Variants in USP46 observed in about 807,000 individuals in gnomAD.
USP46 encodes the protein ubiquitin specific peptidase 46, also known as ubiquitin carboxyl-terminal hydrolase 46.
USP46 carries 12 observed loss-of-function variants against 44.4 expected under a neutral mutation model. The ratio of observed to expected loss-of-function variants is 0.27; its 90% CI spans 0.17 to 0.44. USP46 has a LOEUF of 0.44. Ranked by LOEUF, USP46 falls within the 20% of genes least tolerant of loss-of-function variation. The probability of loss-of-function intolerance (pLI) is 1.00; values close to 1 mark genes in which losing one functional copy is unlikely to be tolerated. For missense variants in USP46, 248 were observed against 444.8 expected, an observed-to-expected ratio of 0.56 and a Z score of 3.98; for synonymous variants, 155 against 161.5, an observed-to-expected ratio of 0.96 and a Z score of 0.31.
At chr4:52,612,572 T>A (rs1402641212) in intron 4 of USP46, among the ~76,000 whole-genome samples, 1 of 152,222 alleles carries the variant, frequency 6.6e-6, no homozygotes, top group Non-Finnish European at 1.5e-5. Flanking sequence ...CTTGCATCAC[T>A]GTAAGAAGGA....
intron 4 of USP46, among the ~76,000 whole-genome samples, chr4:52,616,339 TC>T (rs1296466430): frequency 1.9e-4 from 28 of 147,216 alleles, no homozygotes; most frequent in African/African-American, 6.6e-4. Flanking sequence ...TCCTTTCCTT[TC>T]CCTTCCCTTC....
intron 1 of USP46, among the ~76,000 whole-genome samples, chr4:52,641,622 A>C (rs1718343974): frequency 6.6e-6 from 1 of 152,216 alleles, no homozygotes; most frequent in Non-Finnish European, 1.5e-5. Context: ...GGTCTGGAAA[A>C]ACCAATGAGA....
intron 1 of USP46, among the ~76,000 whole-genome samples, chr4:52,637,548 C>T (rs1718162974): frequency 6.6e-6 from 1 of 152,126 alleles, no homozygotes; most frequent in Admixed American, 6.5e-5. Context: ...GTCATGCCGA[C>T]ATCGTCCTCT....
chr4:52,657,854 G>A (rs1719013267), intron 1 of USP46, among the ~76,000 whole-genome samples: 1 of 152,196 alleles, frequency 6.6e-6, no homozygotes, highest in Non-Finnish European at 1.5e-5. Flanking sequence ...TGAAGCCAGC[G>A]GGTCTCAATT....
At chr4:52,657,933 G>A (rs1246161647) in intron 1 of USP46, among the ~76,000 whole-genome samples, 2 of 151,994 alleles carry the variant, frequency 1.3e-5, no homozygotes, top group African/African-American at 4.8e-5. Flanking sequence ...ACAGAATGTG[G>A]GACAGAAGAT....
At chr4:52,632,942 A>AAGAAAGAAAGAAAGAG (rs1717909693) in intron 1 of USP46, among the ~76,000 whole-genome samples, 1 of 71,652 alleles carries the variant, frequency 1.4e-5, no homozygotes, top group Admixed American at 1.4e-4. Context: ...GAAAGAAAGA[A>AAGAAAGAAAGAAAGAG]AGAAAGAAAG....
intron 4 of USP46, among the ~76,000 whole-genome samples, chr4:52,613,997 T>C (rs1206672451): frequency 2.0e-5 from 3 of 151,250 alleles, no homozygotes; most frequent in African/African-American, 4.9e-5. Context: ...AGTAAAGAAA[T>C]AGAAACAATA....
At chr4:52,653,495 C>CAAAAAAA in intron 1 of USP46, among the ~76,000 whole-genome samples, 1 of 53,014 alleles carries the variant, frequency 1.9e-5, no homozygotes, top group Admixed American at 2.0e-4. Context: ...AACTCTATCT[C>CAAAAAAA]AAAAAAAAAA....
intron 4 of USP46, among the ~76,000 whole-genome samples, chr4:52,614,994 T>G (rs1717067383): frequency 6.6e-6 from 1 of 151,216 alleles, no homozygotes; most frequent in African/African-American, 2.4e-5. Flanking sequence ...TCTAGCAAAA[T>G]CACTAAAAAT....
chr4:52,656,202 T>C, intron 1 of USP46: 2 of 1,308,738 alleles, frequency 1.5e-6, no homozygotes, highest in Non-Finnish European at 1.1e-6. Context: ...CTACAACTAC[T>C]CAAACCAGCT....
chr4:52,594,153 T>C lies in USP46; in HGVS notation c.*3487A>G, dbSNP rs530322517. The C allele has an allele frequency of 2.0e-5, 3 of 152,350 alleles. No individual in the cohort carries two copies. In the South Asian group the frequency reaches 6.2e-4, roughly 32 times the overall value. 9.4% of individuals were successfully genotyped at this position (152,350 alleles called of 1,614,324 possible). ...GTCCATGTGTGTAGCATTACCCGGA[T>C]ATAATTCTCTAGAAAGAGAATTCCC... On this transcript the variant is annotated 3_prime_UTR_variant, in exon 9 of 9. Coordinates refer to ENST00000441222, the MANE Select transcript of USP46 (RefSeq NM_022832.4).
Position 52,590,990 on chromosome 4 carries a change from T to C in USP46, c.*6650A>G, listed in dbSNP as rs1715987259. 1 of 152,200 alleles carries C rather than the reference T, an allele frequency of 6.6e-6. No homozygotes were observed. Among genetic ancestry groups the C allele is most frequent in the South Asian group, 2.1e-4 (1 of 4,832 alleles). 9.4% of individuals were successfully genotyped at this position (152,200 alleles called of 1,614,324 possible). On this transcript the variant is annotated 3_prime_UTR_variant, in exon 9 of 9. Transcript: ENST00000441222. The stretch of plus-strand genomic sequence containing the variant: ...CTTCAAAGAGTTTTCAAACAATTTA[T>C]TTCACAGGAGAGGTGGAGAAGGCCA...
chr4:52,593,052 T>C lies in USP46; in HGVS notation c.*4588A>G. ...TGACCCACGCTCAGGTATGTCTTTATAGCACTGCCAGAATGGACAAATACA... is the reference window on the plus strand; with the variant it reads ...TGACCCACGCTCAGGTATGTCTTTACAGCACTGCCAGAATGGACAAATACA... On this transcript the variant is annotated 3_prime_UTR_variant, in exon 9 of 9. Transcript: ENST00000441222. 2.5e-6 allele frequency: 1 copy of C among 397,808 alleles called. No homozygotes were observed. The highest frequency in any genetic ancestry group is 4.4e-5 in the Admixed American group (1 of 22,730). 24.6% of individuals were successfully genotyped at this position (397,808 alleles called of 1,614,324 possible). A position where few individuals can be genotyped will look rare whatever the true frequency, so the allele number is the denominator to read the frequency against.
intron 4 of USP46, among the ~76,000 whole-genome samples, chr4:52,622,308 C>G (rs1445551086): frequency 1.3e-5 from 2 of 151,944 alleles, no homozygotes; most frequent in African/African-American, 4.8e-5. Flanking sequence ...TATAAACATA[C>G]GTTATACACA....
In USP46 at chr4:52,608,535, A is replaced by C. The variant is rs141165750; in HGVS notation, c.638+2006T>G. ...TCTAATCCATTTTCCCTGGCTCACC[A>C]GTTGGGAAGCTTTGTTCTAGAATCT... is the stretch of plus-strand genomic sequence containing the variant. On this transcript the variant is annotated intron_variant, in intron 5 of 8. Coordinates refer to ENST00000441222, the MANE Select transcript of USP46 (RefSeq NM_022832.4). 3.3e-5 allele frequency among the ~76,000 whole-genome samples: 5 copies of C among 152,326 alleles called. No individual in the cohort carries two copies. The East Asian group carries it at 9.7e-4, about 29-fold the overall frequency.
At chr4:52,606,359 G>A (rs148769671) in intron 5 of USP46, among the ~76,000 whole-genome samples, 2,599 of 152,210 alleles carry the variant, frequency 0.017, 72 homozygotes, top group African/African-American at 0.058. Flanking sequence ...CCTGAGACTG[G>A]GTAATTTATA....
intron 1 of USP46, among the ~76,000 whole-genome samples, chr4:52,645,942 TA>T (rs1718536581): frequency 6.6e-6 from 1 of 150,716 alleles, no homozygotes; most frequent in Admixed American, 6.6e-5. Context: ...TCCACCATGG[TA>T]AGATGTGCCT....
rs1560405973 is a variant in USP46 at position 52,632,968 on chromosome 4, GAAAGAAAGAAAGAAAGAAAAGA to G, written c.37-1846_37-1825del. On this transcript the variant is annotated intron_variant, in intron 1 of 8. Coordinates refer to ENST00000441222, the MANE Select transcript of USP46 (RefSeq NM_022832.4). ...AGAAAGAAAGAAAGAAAGAAAGAAA[GAAAGAAAGAAAGAAAGAAAAGA>G]AAAGAAAGAAAGAAAGAAAGAAAGA... 8.3e-4 allele frequency among the ~76,000 whole-genome samples: 62 copies of G among 74,804 alleles called. 2 individuals are homozygous for G. Among genetic ancestry groups the G allele is most frequent in the Middle Eastern group, 6.0e-3 (1 of 168 alleles). The allele number at this position is 74,804 out of a possible 152,430, so 49.1% of individuals were successfully genotyped here. A position where few individuals can be genotyped will look rare whatever the true frequency, so the allele number is the denominator to read the frequency against.
intron 1 of USP46, among the ~76,000 whole-genome samples, chr4:52,635,994 T>C (rs1478083877): frequency 6.6e-6 from 1 of 152,038 alleles, no homozygotes; most frequent in African/African-American, 2.4e-5. Context: ...AGAATAGTAG[T>C]CCCCCTAACC....
Sources: allele counts gnomAD v4.1 joint callset (sites outside exome capture counted in the v4.1 genomes callset), GRCh38; gene constraint gnomAD v4.1.1; transcripts MANE v1.5; gene names NCBI Gene and HGNC (gene_info 2026-07-23, HGNC 2026-07-21).